GRM5: variants seen among roughly 807,000 people sequenced by gnomAD.
GRM5 encodes the protein glutamate metabotropic receptor 5.
Under a neutral mutation model 83.1 loss-of-function variants are expected in GRM5, and 19 were observed. The observed-to-expected ratio is 0.23, with a 90% CI of 0.16 to 0.34. The LOEUF is 0.34. Among genes scored for constraint, GRM5 ranks in the 10% least tolerant of loss-of-function variants. GRM5 has a pLI of 1.00. For missense variants in GRM5, 1,160 were observed against 1,588.3 expected (o/e 0.73, Z 4.58); for synonymous variants, 675 against 633.6 (o/e 1.07, Z -0.98).
intron 8 of GRM5, among the ~76,000 whole-genome samples, chr11:88,537,851 AT>A (rs1256469720): frequency 6.6e-6 from 1 of 152,198 alleles, no homozygotes; most frequent in African/African-American, 2.4e-5. Context: ...CCAGAAACTA[AT>A]GGCAAAGTGA....
intron 3 of GRM5, among the ~76,000 whole-genome samples, chr11:88,784,155 A>G (rs1943024042): frequency 6.6e-6 from 1 of 152,102 alleles, no homozygotes; most frequent in African/African-American, 2.4e-5. Flanking sequence ...TAGGTTAGAA[A>G]ATAACTACTG....
chr11:88,544,436 T>G (rs1942345163), intron 8 of GRM5, among the ~76,000 whole-genome samples: 1 of 152,218 alleles, frequency 6.6e-6, no homozygotes, highest in Admixed American at 6.5e-5. Flanking sequence ...ACGGACTTCC[T>G]TCATTTCACA....
intron 2 of GRM5, among the ~76,000 whole-genome samples, chr11:88,915,605 T>C (rs1945576693): frequency 6.6e-6 from 1 of 152,130 alleles, no homozygotes; most frequent in African/African-American, 2.4e-5. Context: ...TAATATATAA[T>C]GCATTAATTA....
rs570751970 is a variant in GRM5 at position 88,636,873 on chromosome 11, G to A, written c.1147+16295C>T. Reference sequence around the variant, plus strand: ...GATCAGATAGTTGTAGATATGCGGCGTTATTTCTGAGGGCTCTGTTCTGTT... The same window carrying A: ...GATCAGATAGTTGTAGATATGCGGCATTATTTCTGAGGGCTCTGTTCTGTT... On this transcript the variant is annotated intron_variant, in intron 4 of 9. Coordinates refer to ENST00000305447, the MANE Select transcript of GRM5 (RefSeq NM_001143831.3). Among the ~76,000 whole-genome samples the A allele has an allele frequency of 2.0e-3, 301 of 152,156 alleles. 3 individuals are homozygous for A. Among genetic ancestry groups the A allele is most frequent in the Non-Finnish European group, 2.2e-3 (151 of 68,016 alleles).
intron 3 of GRM5, among the ~76,000 whole-genome samples, chr11:88,808,756 T>C (rs1454810487): frequency 1.3e-5 from 2 of 152,020 alleles, no homozygotes; most frequent in African/African-American, 2.4e-5. Flanking sequence ...TCTTCCTAGA[T>C]GAACTCCTGG....
chr11:88,627,615 C>T (rs1400325357), intron 4 of GRM5, among the ~76,000 whole-genome samples: 2 of 152,100 alleles, frequency 1.3e-5, no homozygotes, highest in East Asian at 3.9e-4. Context: ...GTACCTCAAT[C>T]TCACCCCTTT....
At chr11:89,044,831 T>C (rs1941610074) in intron 2 of GRM5, among the ~76,000 whole-genome samples, 1 of 149,944 alleles carries the variant, frequency 6.7e-6, no homozygotes, top group African/African-American at 2.5e-5. Context: ...CAAGACTTTC[T>C]GAAAAACCAA....
intron 3 of GRM5, among the ~76,000 whole-genome samples, chr11:88,812,940 C>A (rs1943611571): frequency 6.6e-6 from 1 of 152,066 alleles, no homozygotes; most frequent in Non-Finnish European, 1.5e-5. Context: ...TTGTTTCATT[C>A]ATATTTTATA....
chr11:88,787,329 G>T lies in GRM5; in HGVS notation c.911+62577C>A, dbSNP rs187430907. The stretch of plus-strand genomic sequence containing the variant: ...GTTAAAAAATATCCAGGGCAGGAAA[G>T]AAATGAAATTTTTTTATATCACAAA... On this transcript the variant is annotated intron_variant, in intron 3 of 9. Transcript: ENST00000305447. 3.8e-3 allele frequency among the ~76,000 whole-genome samples: 574 copies of T among 152,070 alleles called. 1 individual carries two copies. Among genetic ancestry groups the T allele is most frequent in the African/African-American group, 0.013 (539 of 41,474 alleles).
chr11:88,710,854 T>C (rs1474358610), intron 3 of GRM5, among the ~76,000 whole-genome samples: 1 of 152,028 alleles, frequency 6.6e-6, no homozygotes, highest in East Asian at 1.9e-4. Context: ...AAAAGGCTCA[T>C]GTGACAGTAA....
intron 6 of GRM5, among the ~76,000 whole-genome samples, chr11:88,591,205 A>G (rs1319051177): frequency 6.6e-6 from 1 of 152,242 alleles, no homozygotes; most frequent in Non-Finnish European, 1.5e-5. Context: ...TATTGATAAA[A>G]ATAATTAGGA....
chr11:88,900,775 G>C (rs1945300870), intron 2 of GRM5, among the ~76,000 whole-genome samples: 1 of 152,112 alleles, frequency 6.6e-6, no homozygotes, highest in South Asian at 2.1e-4. Flanking sequence ...AATTCCAGTA[G>C]ATAAAATAAT....
At chr11:88,661,197 G>A (rs543542624) in intron 3 of GRM5, among the ~76,000 whole-genome samples, 1 of 152,160 alleles carries the variant, frequency 6.6e-6, no homozygotes, top group Middle Eastern at 3.4e-3. Context: ...TTGTTATAAT[G>A]CTCAGTACAT....
At chr11:89,026,837 T>C (rs35492758) in intron 2 of GRM5, among the ~76,000 whole-genome samples, 2,745 of 152,304 alleles carry the variant, frequency 0.018, 43 homozygotes, top group South Asian at 0.065. Flanking sequence ...ATTAATCTTA[T>C]GACTAGTTAT....
At chr11:88,955,254 C>G (rs955599902) in intron 2 of GRM5, among the ~76,000 whole-genome samples, 1 of 152,212 alleles carries the variant, frequency 6.6e-6, no homozygotes, top group African/African-American at 2.4e-5. Flanking sequence ...TTTCAATCTA[C>G]TACATAAAAT....
chr11:88,864,835 T>C (rs1590922716), intron 2 of GRM5, among the ~76,000 whole-genome samples: 1 of 152,152 alleles, frequency 6.6e-6, no homozygotes, highest in South Asian at 2.1e-4. Flanking sequence ...TTTGAGATAC[T>C]TTCCATCAAT....
intron 8 of GRM5, among the ~76,000 whole-genome samples, chr11:88,555,375 GA>G (rs1315725461): frequency 6.6e-6 from 1 of 152,112 alleles, no homozygotes; most frequent in Non-Finnish European, 1.5e-5. Context: ...AAAACACATG[GA>G]AAAGAGTCTC....
At chr11:88,909,989 C>A (rs1413508522) in intron 2 of GRM5, among the ~76,000 whole-genome samples, 8 of 152,074 alleles carry the variant, frequency 5.3e-5, no homozygotes, top group Non-Finnish European at 8.8e-5. Flanking sequence ...CATACATATT[C>A]ACAGTGCTAA....
intron 1 of GRM5, among the ~76,000 whole-genome samples, chr11:89,054,938 T>C (rs183922490): frequency 7.9e-5 from 12 of 152,348 alleles, no homozygotes; most frequent in Admixed American, 5.2e-4. Flanking sequence ...TTTATAAATA[T>C]AGTAATACAA....
Sources: gnomAD v4.1 joint callset for allele counts (sites outside exome capture counted in the v4.1 genomes callset) on GRCh38, gnomAD v4.1.1 for gene constraint, MANE v1.5 for transcripts, NCBI Gene and HGNC (gene_info 2026-07-23, HGNC 2026-07-21) for gene names.